The following SLC44A1 variants were observed in gnomAD, a reference collection of about 807,000 sequenced individuals.
SLC44A1 encodes the protein choline transporter-like protein 1.
SLC44A1 carries 26 observed loss-of-function variants against 79.3 expected under a neutral mutation model. The observed-to-expected ratio is 0.33, with a 90% CI of 0.24 to 0.46. The LOEUF is 0.46. SLC44A1 is among the 20% of genes least tolerant of loss of function. The pLI, the probability that SLC44A1 is intolerant of heterozygous loss-of-function variation, is 1.00. For synonymous variants in SLC44A1, 263 were observed against 286.2 expected (o/e 0.92, Z 0.82); for missense variants, 688 against 798.1 (o/e 0.86, Z 1.66).
At chr9:105,317,149 G>T (rs192595578) in intron 3 of SLC44A1, among the ~76,000 whole-genome samples, 3 of 152,226 alleles carry the variant, frequency 2.0e-5, no homozygotes, top group Admixed American at 6.5e-5. Context: ...GCTTCTGGAG[G>T]TAACATATAT....
chr9:105,247,879 C>T (rs545580362), intron 1 of SLC44A1, among the ~76,000 whole-genome samples: 1 of 152,314 alleles, frequency 6.6e-6, no homozygotes, highest in Admixed American at 6.5e-5. Flanking sequence ...TTTTGCCAAG[C>T]TGTCCTCTTC....
At chr9:105,428,450 T>C (rs1274011612) in intron 15 of SLC44A1, among the ~76,000 whole-genome samples, 1 of 152,174 alleles carries the variant, frequency 6.6e-6, no homozygotes, top group African/African-American at 2.4e-5. Context: ...AGAAGTATAG[T>C]TGTTCAGAGT....
Position 105,395,266 on chromosome 9 carries a change from T to C in SLC44A1, c.*6210T>C. On this transcript the variant is annotated 3_prime_UTR_variant, in exon 16 of 16. Transcript: ENST00000374720. Reference sequence around the variant, plus strand: ...ACGGAGTCTCGCTCTATCGCCAGCTTAGAGTGCAGTGGCTCAATCTTAGCT... The same window carrying C: ...ACGGAGTCTCGCTCTATCGCCAGCTCAGAGTGCAGTGGCTCAATCTTAGCT... The C allele has an allele frequency of 1.2e-6, 1 of 837,490 alleles. No homozygotes were observed. Among genetic ancestry groups the C allele is most frequent in the East Asian group, 1.2e-4 (1 of 8,098 alleles). The allele number at this position is 837,490 out of a possible 1,614,324, so 51.9% of individuals were successfully genotyped here.
intron 12 of SLC44A1, among the ~76,000 whole-genome samples, chr9:105,373,625 G>C (rs939387515): frequency 2.2e-5 from 3 of 137,712 alleles, no homozygotes; most frequent in Admixed American, 1.5e-4. Flanking sequence ...TTCTATAACT[G>C]AAAAGTTCAG....
intron 3 of SLC44A1, among the ~76,000 whole-genome samples, chr9:105,318,510 C>T (rs1417323042): frequency 1.3e-5 from 2 of 152,112 alleles, no homozygotes; most frequent in East Asian, 1.9e-4. Flanking sequence ...CTTTCATTCC[C>T]TCTCATGGAA....
At chr9:105,324,113 T>C (rs1188793226) in intron 3 of SLC44A1, among the ~76,000 whole-genome samples, 3 of 152,066 alleles carry the variant, frequency 2.0e-5, no homozygotes, top group Non-Finnish European at 2.9e-5. Flanking sequence ...GCCATTCTCC[T>C]GCCTCAGCCT....
chr9:105,417,056 C>A (rs1219300431), intron 15 of SLC44A1, among the ~76,000 whole-genome samples: 2 of 152,180 alleles, frequency 1.3e-5, no homozygotes, highest in Non-Finnish European at 2.9e-5. Flanking sequence ...AGATATTTAA[C>A]AGAGCTGAAT....
intron 4 of SLC44A1, among the ~76,000 whole-genome samples, chr9:105,342,714 G>C (rs758651866): frequency 1.3e-5 from 2 of 152,164 alleles, no homozygotes; most frequent in Non-Finnish European, 2.9e-5. Context: ...AGAAACATCA[G>C]ACGTAAGCCC....
chr9:105,336,404 T>A (rs911975898), intron 4 of SLC44A1, among the ~76,000 whole-genome samples: 1 of 152,224 alleles, frequency 6.6e-6, no homozygotes, highest in Admixed American at 6.5e-5. Context: ...CATAGTTTCC[T>A]GAAATCTAGC....
chr9:105,427,187 C>T (rs1829334674), intron 15 of SLC44A1, among the ~76,000 whole-genome samples: 2 of 152,174 alleles, frequency 1.3e-5, no homozygotes, highest in Non-Finnish European at 2.9e-5. Context: ...CTCGCCTTGG[C>T]CTCCCAAAGT....
At chr9:105,407,714 A>G (rs71494531) in intron 15 of SLC44A1, among the ~76,000 whole-genome samples, 4,653 of 152,032 alleles carry the variant, frequency 0.031, 86 homozygotes, top group African/African-American at 0.057. Flanking sequence ...TACTAAAAAT[A>G]CAAAAATTAG....
At chr9:105,401,847 C>G (rs1172961588), downstream of SLC44A1, among the ~76,000 whole-genome samples, 1 of 152,150 alleles carries the variant, frequency 6.6e-6, no homozygotes, top group African/African-American at 2.4e-5. Context: ...TCTAAATACT[C>G]CCTGATCTTA....
chr9:105,356,849 G>GA (rs1827638707), intron 6 of SLC44A1, among the ~76,000 whole-genome samples: 1 of 151,914 alleles, frequency 6.6e-6, no homozygotes, highest in African/African-American at 2.4e-5. Context: ...TGTATTGCTG[G>GA]AAAAATTAGG....
downstream of SLC44A1, among the ~76,000 whole-genome samples, chr9:105,399,845 G>T (rs1828933869): frequency 6.6e-6 from 1 of 152,140 alleles, no homozygotes; most frequent in African/African-American, 2.4e-5. Context: ...AGTCCTGTAG[G>T]CACTGGTAGT....
chr9:105,375,766 A>G (rs910452985), intron 13 of SLC44A1, among the ~76,000 whole-genome samples: 56 of 152,364 alleles, frequency 3.7e-4, no homozygotes, highest in Admixed American at 1.3e-3. Context: ...AAAATATTCA[A>G]TAACATAATT....
At chr9:105,315,345 G>GT (rs1831294036) in intron 3 of SLC44A1, among the ~76,000 whole-genome samples, 2 of 148,884 alleles carry the variant, frequency 1.3e-5, no homozygotes, top group African/African-American at 5.1e-5. Context: ...TTGATAGTAG[G>GT]GTTTTTTTAA....
At chr9:105,427,180 G>A (rs886097010) in intron 15 of SLC44A1, among the ~76,000 whole-genome samples, 2 of 152,092 alleles carry the variant, frequency 1.3e-5, no homozygotes, top group African/African-American at 2.4e-5. Flanking sequence ...CGATCTACTC[G>A]CCTTGGCCTC....
intron 1 of SLC44A1, among the ~76,000 whole-genome samples, chr9:105,259,160 G>T (rs1829784016): frequency 6.6e-6 from 1 of 152,118 alleles, no homozygotes; most frequent in East Asian, 1.9e-4. Context: ...GTATCCTCCA[G>T]GGCCCTTCCA....
rs1189255366 is a variant in SLC44A1, at chr9:105,385,510, G to A, written c.1950+8G>A. 1 of 1,566,692 alleles carries A rather than the reference G, an allele frequency of 6.4e-7. No homozygotes were observed. The highest frequency in any genetic ancestry group is 8.7e-7 in the Non-Finnish European group (1 of 1,154,834). ...AGAGAGCTAAAGCCGATGGTAGGTG[G>A]AGATGAGGAGGTGGCCGCCCTCCAA... On this transcript the variant is annotated splice_region_variant and intron_variant, in intron 15 of 15. Transcript: ENST00000374720.
Sources: gnomAD v4.1 joint callset for allele counts (sites outside exome capture counted in the v4.1 genomes callset) on GRCh38, gnomAD v4.1.1 for gene constraint, MANE v1.5 for transcripts, NCBI Gene and HGNC (gene_info 2026-07-23, HGNC 2026-07-21) for gene names.